The following MAGI1 variants were observed in gnomAD, a reference collection of about 807,000 sequenced individuals.
MAGI1 encodes the protein membrane-associated guanylate kinase, WW and PDZ domain-containing protein 1.
Under a neutral mutation model 139.9 loss-of-function variants are expected in MAGI1, and 58 were observed. The ratio of observed to expected loss-of-function variants is 0.41; its 90% confidence interval spans 0.34 to 0.52. The LOEUF (loss-of-function observed/expected upper bound fraction) is 0.52, where lower values mean the gene tolerates loss of function less well. Ranked by LOEUF, MAGI1 falls within the 20% of genes least tolerant of loss-of-function variation. The pLI, the probability that MAGI1 is intolerant of heterozygous loss-of-function variation, is 0.12. For synonymous variants in MAGI1, 812 were observed against 737.9 expected, an observed-to-expected ratio of 1.10 and a Z score of -1.63; for missense variants, 1,874 against 1,901.6, an observed-to-expected ratio of 0.99 and a Z score of 0.27.
intron 2 of MAGI1, among the ~76,000 whole-genome samples, chr3:65,509,441 GGTGCGC>G (rs2077460372): frequency 6.6e-6 from 1 of 152,136 alleles, no homozygotes; most frequent in South Asian, 2.1e-4. Flanking sequence ...CAGGTCAGTG[GGTGCGC>G]GTACCGTGCG....
chr3:65,494,784 C>T (rs1028904949), intron 2 of MAGI1, among the ~76,000 whole-genome samples: 6 of 152,190 alleles, frequency 3.9e-5, no homozygotes, highest in Non-Finnish European at 8.8e-5. Context: ...TGTGAATAAC[C>T]GCATCCACAC....
intron 1 of MAGI1, among the ~76,000 whole-genome samples, chr3:65,759,565 T>A (rs1302457697): frequency 2.6e-5 from 4 of 152,214 alleles, no homozygotes; most frequent in Non-Finnish European, 5.9e-5. Context: ...ATACTATCTA[T>A]CTCAGCCAGC....
chr3:65,819,875 C>CAAATAAAAAAAAAAAAA (rs2041839832), intron 1 of MAGI1, among the ~76,000 whole-genome samples: 1 of 33,454 alleles, frequency 3.0e-5, no homozygotes, highest in Non-Finnish European at 6.4e-5. Flanking sequence ...GACTCCATCT[C>CAAATAAAAAAAAAAAAA]AAAAAAAAAA....
intron 1 of MAGI1, among the ~76,000 whole-genome samples, chr3:65,759,308 A>T (rs1213410550): frequency 1.3e-5 from 2 of 152,156 alleles, no homozygotes. Flanking sequence ...ATGTCATTTA[A>T]CCCGCCTAAG....
At chr3:65,953,624 G>GGC (rs781648481) in intron 1 of MAGI1, among the ~76,000 whole-genome samples, 16 of 152,176 alleles carry the variant, frequency 1.1e-4, no homozygotes, top group Non-Finnish European at 1.9e-4. Flanking sequence ...TATCCAGGGA[G>GGC]GCAGGTGTAC....
intron 1 of MAGI1, among the ~76,000 whole-genome samples, chr3:65,855,277 AC>A (rs2059336758): frequency 6.6e-6 from 1 of 151,788 alleles, no homozygotes; most frequent in Non-Finnish European, 1.5e-5. Flanking sequence ...GATAAACAGT[AC>A]CAAAGAAATG....
intron 1 of MAGI1, among the ~76,000 whole-genome samples, chr3:65,732,371 G>C (rs191832990): frequency 1.3e-5 from 2 of 152,326 alleles, no homozygotes; most frequent in Non-Finnish European, 2.9e-5. Context: ...GCAGTAACTA[G>C]TGAAGAGTAC....
At chr3:65,497,477 T>C (rs1952539921) in intron 2 of MAGI1, among the ~76,000 whole-genome samples, 1 of 152,248 alleles carries the variant, frequency 6.6e-6, no homozygotes, top group African/African-American at 2.4e-5. Context: ...GAATAGAATC[T>C]CTTTGAAACT....
intron 1 of MAGI1, among the ~76,000 whole-genome samples, chr3:65,800,845 A>AC (rs1422290006): frequency 6.6e-6 from 1 of 152,128 alleles, no homozygotes; most frequent in Non-Finnish European, 1.5e-5. Context: ...TCTATTTGTC[A>AC]CACAGTTTAT....
intron 5 of MAGI1, among the ~76,000 whole-genome samples, chr3:65,466,639 T>C (rs1950192879): frequency 6.6e-6 from 1 of 152,166 alleles, no homozygotes; most frequent in Non-Finnish European, 1.5e-5. Context: ...AAAATCCTGA[T>C]TCTCCTCTAA....
chr3:65,865,182 T>C (rs781041218), intron 1 of MAGI1, among the ~76,000 whole-genome samples: 2 of 152,182 alleles, frequency 1.3e-5, no homozygotes, highest in Non-Finnish European at 2.9e-5. Context: ...CAAGTCAGCA[T>C]AAACTCACAT....
intron 1 of MAGI1, among the ~76,000 whole-genome samples, chr3:65,835,146 G>A (rs939208660): frequency 7.2e-5 from 11 of 152,096 alleles, no homozygotes; most frequent in African/African-American, 2.4e-4. Flanking sequence ...TTTCTTCTCT[G>A]TTTCTCTTTT....
chr3:65,626,521 A>T (rs2083979738), intron 1 of MAGI1, among the ~76,000 whole-genome samples: 1 of 151,900 alleles, frequency 6.6e-6, no homozygotes, highest in African/African-American at 2.4e-5. Context: ...ACAGGTTCTC[A>T]CTATGTTGCC....
At chr3:65,826,993 C>T (rs747697026) in intron 1 of MAGI1, among the ~76,000 whole-genome samples, 1 of 100,414 alleles carries the variant, frequency 1.0e-5, no homozygotes, top group Non-Finnish European at 2.0e-5. Flanking sequence ...GTGCCACCAT[C>T]CCCCGGTCTG....
chr3:65,950,988 GAA>G (rs2063815600), intron 1 of MAGI1, among the ~76,000 whole-genome samples: 1 of 100,114 alleles, frequency 1.0e-5, no homozygotes, highest in Non-Finnish European at 2.2e-5. Flanking sequence ...AGGAAGGAAG[GAA>G]GGAAGGAAGG....
intron 12 of MAGI1, among the ~76,000 whole-genome samples, chr3:65,409,666 A>G (rs965518561): frequency 3.3e-5 from 5 of 151,992 alleles, no homozygotes; most frequent in African/African-American, 9.7e-5. Context: ...GCTAAATACC[A>G]TCATAACCCC....
intron 1 of MAGI1, among the ~76,000 whole-genome samples, chr3:65,830,998 T>C (rs1390236): frequency 0.48 from 72,221 of 152,018 alleles, 18,578 homozygotes; most frequent in East Asian, 0.76. Context: ...TATGTACTTT[T>C]AGCAATTGGA....
At chr3:65,768,859 A>G (rs2107926537) in intron 1 of MAGI1, among the ~76,000 whole-genome samples, 2 of 152,316 alleles carry the variant, frequency 1.3e-5, no homozygotes. Context: ...AAGAAGATAA[A>G]AACTGCTCCG....
chr3:65,768,081 G>C (rs1018471019), intron 1 of MAGI1, among the ~76,000 whole-genome samples: 1 of 152,176 alleles, frequency 6.6e-6, no homozygotes, highest in African/African-American at 2.4e-5. Context: ...AAATAGGCAA[G>C]CATTCTATTC....
Sources: allele counts gnomAD v4.1 joint callset (sites outside exome capture counted in the v4.1 genomes callset), GRCh38; gene constraint gnomAD v4.1.1; transcripts MANE v1.5; gene names NCBI Gene and HGNC (gene_info 2026-07-23, HGNC 2026-07-21).